Variants in ATP10B observed in about 807,000 individuals in gnomAD.
The protein encoded by ATP10B is ATPase phospholipid transporting 10B (putative).
A neutral mutation model predicts 141.2 loss-of-function variants in ATP10B; 122 were observed. The ratio of observed to expected loss-of-function variants is 0.86; its 90% confidence interval spans 0.75 to 1.00. The LOEUF (loss-of-function observed/expected upper bound fraction) is 1.00. Among genes scored for constraint, ATP10B ranks in the 50% least tolerant of loss-of-function variants. The probability of loss-of-function intolerance (pLI) is 0.00; values close to 1 mark genes in which losing one functional copy is unlikely to be tolerated. For missense variants in ATP10B, 1,876 were observed against 1,825.3 expected (o/e 1.03, Z -0.51); for synonymous variants, 685 against 692.0 (o/e 0.99, Z 0.16).
intron 2 of ATP10B, among the ~76,000 whole-genome samples, chr5:160,773,428 C>T (rs780881038): frequency 4.6e-5 from 7 of 152,066 alleles, no homozygotes; most frequent in African/African-American, 1.2e-4. Context: ...GATGTTCAGT[C>T]GGAATTGGGA....
chr5:160,802,438 G>A (rs1439760019), intron 1 of ATP10B, among the ~76,000 whole-genome samples: 1 of 152,182 alleles, frequency 6.6e-6, no homozygotes, highest in Non-Finnish European at 1.5e-5. Flanking sequence ...AATGTCTAGA[G>A]GCATTTTTGG....
At chr5:160,890,276 G>A in the ATP10B span, among the ~76,000 whole-genome samples, 1 of 152,002 alleles carries the variant, frequency 6.6e-6, no homozygotes, top group Non-Finnish European at 1.5e-5. Flanking sequence ...ACCCTGCTGA[G>A]TTTTTTTTGT....
intron 1 of ATP10B, among the ~76,000 whole-genome samples, chr5:160,819,722 C>T (rs1773956079): frequency 6.6e-6 from 1 of 151,990 alleles, no homozygotes; most frequent in Non-Finnish European, 1.5e-5. Flanking sequence ...TTTCTTTTTG[C>T]TTGTTTGTTT....
chr5:160,721,035 ATG>A lies in ATP10B; in HGVS notation c.-330-4003_-330-4002del, dbSNP rs929244909. ...TGGTGTTGTCATGAAGTATGTGCAT[ATG>A]TGTGTGTGTGTGTGTAAATATTTAT... On this transcript the variant is annotated intron_variant, in intron 2 of 25. Coordinates refer to ENST00000327245, the MANE Select transcript of ATP10B (RefSeq NM_025153.3). Among the ~76,000 whole-genome samples, 6 of 151,418 alleles carry A rather than the reference ATG, an allele frequency of 4.0e-5. No individual in the cohort carries two copies. In the South Asian group the frequency reaches 6.3e-4, roughly 16 times the overall value.
intron 2 of ATP10B, among the ~76,000 whole-genome samples, chr5:160,770,983 C>T (rs944209580): frequency 6.6e-6 from 1 of 152,152 alleles, no homozygotes; most frequent in Non-Finnish European, 1.5e-5. Context: ...CTTTTTCTCA[C>T]CACCCTCAAA....
At chr5:160,740,667 T>C (rs1767404831) in intron 2 of ATP10B, among the ~76,000 whole-genome samples, 3 of 152,360 alleles carry the variant, frequency 2.0e-5, no homozygotes, top group South Asian at 4.1e-4. Flanking sequence ...CAATGGCCTG[T>C]GGTCTCAACC....
the ATP10B span, among the ~76,000 whole-genome samples, chr5:160,926,973 C>T: frequency 1.3e-5 from 2 of 152,228 alleles, no homozygotes; most frequent in South Asian, 2.1e-4. Context: ...CACTGTCACA[C>T]TAAGTGCTTT....
At chr5:160,926,349 T>C in the ATP10B span, among the ~76,000 whole-genome samples, 91,387 of 152,074 alleles carry the variant, frequency 0.6, 27,495 homozygotes, top group Admixed American at 0.66. Context: ...TAATACAACA[T>C]TGCTTATGGG....
the ATP10B span, among the ~76,000 whole-genome samples, chr5:160,925,979 T>A: frequency 6.6e-6 from 1 of 152,184 alleles, no homozygotes; most frequent in Non-Finnish European, 1.5e-5. Context: ...TCCATAAGGA[T>A]TGCCAGGTAA....
intron 1 of ATP10B, among the ~76,000 whole-genome samples, chr5:160,788,185 GAGAC>G (rs1771308064): frequency 6.6e-6 from 1 of 152,132 alleles, no homozygotes; most frequent in Non-Finnish European, 1.5e-5. Flanking sequence ...CTGAGAGTTA[GAGAC>G]AGACAGTCTG....
At chr5:160,706,278 T>C (rs1765008507) in intron 3 of ATP10B, among the ~76,000 whole-genome samples, 1 of 152,234 alleles carries the variant, frequency 6.6e-6, no homozygotes, top group South Asian at 2.1e-4. Flanking sequence ...TGTTCTTGCT[T>C]GATGCAGGGT....
At chr5:160,719,167 G>T (rs1165651629) in intron 2 of ATP10B, among the ~76,000 whole-genome samples, 1 of 152,188 alleles carries the variant, frequency 6.6e-6, no homozygotes, top group Admixed American at 6.5e-5. Flanking sequence ...TTGTGAGGCT[G>T]AGACGGGCGG....
At chr5:160,586,056 A>G (rs1248202387) in intron 24 of ATP10B, among the ~76,000 whole-genome samples, 1 of 152,206 alleles carries the variant, frequency 6.6e-6, no homozygotes, top group Non-Finnish European at 1.5e-5. Flanking sequence ...GGTTTGCTGC[A>G]TCTATCAACC....
rs953809791 is a variant in ATP10B, at chr5:160,569,615, A to G, written c.3819T>C (p.Asn1273=). The change falls in exon 25 of 26, where the codon AAT becomes AAC. Residue 1273 remains asparagine, a synonymous_variant. Coordinates refer to ENST00000327245, the MANE Select transcript of ATP10B (RefSeq NM_025153.3). ...GGCTGTTGCAGATGACGCAGGTGGC[A>G]TTGTACAGGAGGGATACCAGAAAGT... The part of the protein sequence containing the change: ...LMYFLVSLLY[N]ATCVICNSPT... The G allele has an allele frequency of 9.3e-6, 15 of 1,613,398 alleles. No homozygotes were observed. The highest frequency in any genetic ancestry group is 1.3e-5 in the Non-Finnish European group (15 of 1,179,700).
At chr5:160,708,422 C>A (rs1220520887) in intron 3 of ATP10B, among the ~76,000 whole-genome samples, 1 of 152,106 alleles carries the variant, frequency 6.6e-6, no homozygotes, top group Non-Finnish European at 1.5e-5. Flanking sequence ...TTTTCTCAAT[C>A]TTTTTAGAGT....
chr5:160,793,462 C>A (rs1255935816), intron 1 of ATP10B, among the ~76,000 whole-genome samples: 2 of 152,138 alleles, frequency 1.3e-5, no homozygotes, highest in Non-Finnish European at 2.9e-5. Flanking sequence ...TTTAACTATC[C>A]ATTATGAAGT....
intron 2 of ATP10B, among the ~76,000 whole-genome samples, chr5:160,732,376 G>C: frequency 6.6e-6 from 1 of 152,158 alleles, no homozygotes; most frequent in Middle Eastern, 3.2e-3. Context: ...TTGTTGCCTT[G>C]ACTAATGTCC....
At chr5:160,641,766 C>A (rs996425543) in intron 9 of ATP10B, among the ~76,000 whole-genome samples, 8 of 152,208 alleles carry the variant, frequency 5.3e-5, no homozygotes, top group Non-Finnish European at 1.0e-4. Flanking sequence ...TGCATATTTT[C>A]TGTGCAAAAT....
chr5:160,687,883 C>T lies in ATP10B; in HGVS notation c.192G>A (p.Arg64=). ...TGCAGGTTCTGTTGCCAGGGTATCTCCTGGAGACCTCTTCCCAATCTTGAT... is the reference window on the plus strand; with the variant it reads ...TGCAGGTTCTGTTGCCAGGGTATCTTCTGGAGACCTCTTCCCAATCTTGAT... ...IFHQDWEEVS[R]RYPGNRTCTT... is the part of the protein sequence containing the mutation. The change falls in exon 5 of 26, where the codon AGG becomes AGA. Residue 64 remains arginine (R), a synonymous_variant. Transcript: ENST00000327245. 2 of 1,614,094 alleles carry T rather than the reference C, an allele frequency of 1.2e-6. No individual in the cohort carries two copies. Among genetic ancestry groups the T allele is most frequent in the Non-Finnish European group, 8.5e-7 (1 of 1,180,014 alleles).
Sources: gnomAD v4.1 joint callset for allele counts (sites outside exome capture counted in the v4.1 genomes callset) on GRCh38, gnomAD v4.1.1 for gene constraint, MANE v1.5 for transcripts, NCBI Gene and HGNC (gene_info 2026-07-23, HGNC 2026-07-21) for gene names.